The following SLC25A21 variants were observed in gnomAD, a reference collection of about 807,000 sequenced individuals.
SLC25A21 encodes the protein solute carrier family 25 member 21.
A neutral mutation model predicts 43.8 loss-of-function variants in SLC25A21; 47 were observed. The ratio of observed to expected loss-of-function variants is 1.07; its 90% CI spans 0.85 to 1.37. The LOEUF (loss-of-function observed/expected upper bound fraction) is 1.37, where lower values mean the gene tolerates loss of function less well. SLC25A21 is among the 40% of genes most tolerant of loss of function. The probability of loss-of-function intolerance (pLI) is 0.00; values close to 1 mark genes in which losing one functional copy is unlikely to be tolerated. For missense variants in SLC25A21, 352 were observed against 350.2 expected (o/e 1.00, Z -0.04); for synonymous variants, 131 against 121.3 (o/e 1.08, Z -0.52).
intron 1 of SLC25A21, among the ~76,000 whole-genome samples, chr14:36,969,983 T>C (rs1959713341): frequency 1.3e-5 from 2 of 152,196 alleles, no homozygotes; most frequent in Admixed American, 1.3e-4. Context: ...TGTCTCTGAC[T>C]ATCTTAAACA....
chr14:36,875,836 A>T (rs2138557490), intron 1 of SLC25A21, among the ~76,000 whole-genome samples: 1 of 152,344 alleles, frequency 6.6e-6, no homozygotes, highest in South Asian at 2.1e-4. Context: ...CTCAATTATA[A>T]TACAAACTAC....
chr14:36,887,507 G>A (rs1234980086), intron 1 of SLC25A21, among the ~76,000 whole-genome samples: 5 of 149,466 alleles, frequency 3.3e-5, no homozygotes, highest in Non-Finnish European at 7.4e-5. Context: ...ATGTTGCAGT[G>A]AGCAGAGATC....
intron 1 of SLC25A21, among the ~76,000 whole-genome samples, chr14:37,169,029 C>T (rs1303255600): frequency 6.6e-6 from 1 of 152,076 alleles, no homozygotes; most frequent in Non-Finnish European, 1.5e-5. Flanking sequence ...TTCCACCTTA[C>T]CCCCATGTAG....
At chr14:36,996,236 G>A (rs1052968390) in intron 1 of SLC25A21, among the ~76,000 whole-genome samples, 13 of 152,032 alleles carry the variant, frequency 8.6e-5, no homozygotes, top group African/African-American at 3.1e-4. Flanking sequence ...TTCAACTCCT[G>A]GTCCAGCAAA....
At chr14:36,814,725 T>C (rs750316826) in intron 2 of SLC25A21, among the ~76,000 whole-genome samples, 1 of 152,044 alleles carries the variant, frequency 6.6e-6, no homozygotes, top group Non-Finnish European at 1.5e-5. Context: ...TTGGTGGGAG[T>C]GTAAATTAGT....
chr14:36,679,033 C>T lies in SLC25A21; in HGVS notation c.*1625G>A. 1.0e-6 allele frequency: 1 copy of T among 985,466 alleles called. No homozygotes were observed. Among genetic ancestry groups the T allele is most frequent in the Non-Finnish European group, 1.2e-6 (1 of 829,970 alleles). 61.0% of individuals were successfully genotyped at this position (985,466 alleles called of 1,614,324 possible). On this transcript the variant is annotated 3_prime_UTR_variant, in exon 10 of 10. Transcript: ENST00000331299. ...TTGCTTTTAAACTGGCAAATGCACT[C>T]TTCAGAAATCCTTTTCTATCTGATC...
intron 1 of SLC25A21, among the ~76,000 whole-genome samples, chr14:37,085,857 G>T (rs1196766008): frequency 2.0e-5 from 3 of 152,248 alleles, no homozygotes; most frequent in South Asian, 4.1e-4. Flanking sequence ...TGTAATCCCA[G>T]CACTTTGGCA....
chr14:37,142,046 G>A (rs945394356), intron 1 of SLC25A21, among the ~76,000 whole-genome samples: 2 of 152,154 alleles, frequency 1.3e-5, no homozygotes, highest in African/African-American at 4.8e-5. Context: ...GAGAACCATG[G>A]CTCTGGGAAC....
In SLC25A21 at chr14:37,083,431, C is replaced by T. The variant is rs572763061; in HGVS notation, c.70+88850G>A. On this transcript the variant is annotated intron_variant, in intron 1 of 9. Transcript: ENST00000331299. ...CTTTAACAACAATAACAATAACACACGTTCAGTGACTACAATAATGCCAAA... is the reference window on the plus strand; with the variant it reads ...CTTTAACAACAATAACAATAACACATGTTCAGTGACTACAATAATGCCAAA... Among the ~76,000 whole-genome samples the T allele has an allele frequency of 3.9e-5, 6 of 152,298 alleles. No homozygotes were observed. The South Asian group carries it at 1.0e-3, about 26-fold the overall frequency.
intron 6 of SLC25A21, among the ~76,000 whole-genome samples, chr14:36,721,773 C>G (rs1191531323): frequency 1.3e-5 from 2 of 152,232 alleles, no homozygotes; most frequent in Non-Finnish European, 2.9e-5. Context: ...GAAGGTCTTC[C>G]CTGAAGGCAG....
In SLC25A21 at chr14:36,806,173, G is replaced by GT. The variant is rs1888035146; in HGVS notation, c.203+7744dup. 2.0e-5 allele frequency among the ~76,000 whole-genome samples: 3 copies of GT among 151,444 alleles called. No homozygotes were observed. In the South Asian group the frequency reaches 6.3e-4, roughly 32 times the overall value. ...GTGGAGGTTGCAGTGAGCTGAGATT[G>GT]TGCCACTGCACTCCAGCCTGGGTGA... is the stretch of plus-strand genomic sequence containing the variant. On this transcript the variant is annotated intron_variant, in intron 3 of 9. Coordinates refer to ENST00000331299, the MANE Select transcript of SLC25A21 (RefSeq NM_030631.4).
At chr14:37,051,647 G>T (rs1045633336) in intron 1 of SLC25A21, among the ~76,000 whole-genome samples, 2 of 152,170 alleles carry the variant, frequency 1.3e-5, no homozygotes, top group Non-Finnish European at 2.9e-5. Flanking sequence ...CTTCAATACC[G>T]AGGGATGAGC....
At chr14:37,010,408 A>G (rs1007755866) in intron 1 of SLC25A21, among the ~76,000 whole-genome samples, 4 of 152,208 alleles carry the variant, frequency 2.6e-5, no homozygotes, top group Non-Finnish European at 5.9e-5. Context: ...TTTATTGAGG[A>G]CTTACTTTCT....
intron 1 of SLC25A21, among the ~76,000 whole-genome samples, chr14:37,015,647 C>G (rs982005851): frequency 1.3e-5 from 2 of 151,706 alleles, no homozygotes; most frequent in Non-Finnish European, 1.5e-5. Flanking sequence ...AACTAGTTTA[C>G]AGTTCCACCA....
intron 1 of SLC25A21, among the ~76,000 whole-genome samples, chr14:37,150,211 C>G (rs180952304): frequency 1.6e-4 from 24 of 152,258 alleles, no homozygotes; most frequent in Admixed American, 1.4e-3. Context: ...GACTATAATA[C>G]ATACCCTAGC....
chr14:36,916,125 A>T (rs1199901899), intron 1 of SLC25A21, among the ~76,000 whole-genome samples: 1 of 152,188 alleles, frequency 6.6e-6, no homozygotes, highest in Non-Finnish European at 1.5e-5. Flanking sequence ...AACAGCAACA[A>T]CTGATTAAAG....
intron 5 of SLC25A21, among the ~76,000 whole-genome samples, chr14:36,728,881 A>C (rs2139218512): frequency 6.6e-6 from 1 of 152,318 alleles, no homozygotes; most frequent in East Asian, 1.9e-4. Flanking sequence ...CATTTGTAGA[A>C]CCCATTTGGT....
At chr14:36,766,279 G>A (rs748363471) in intron 3 of SLC25A21, among the ~76,000 whole-genome samples, 1 of 152,120 alleles carries the variant, frequency 6.6e-6, no homozygotes, top group African/African-American at 2.4e-5. Flanking sequence ...CCCAGGGAAG[G>A]TATTACTTTA....
At chr14:37,066,658 A>T (rs2138819345) in intron 1 of SLC25A21, among the ~76,000 whole-genome samples, 1 of 152,254 alleles carries the variant, frequency 6.6e-6, no homozygotes. Flanking sequence ...AATGGTTCAT[A>T]AAAAAGTACA....
Sources: allele counts gnomAD v4.1 joint callset (sites outside exome capture counted in the v4.1 genomes callset), GRCh38; gene constraint gnomAD v4.1.1; transcripts MANE v1.5; gene names NCBI Gene and HGNC (gene_info 2026-07-23, HGNC 2026-07-21).